Variants in PPARGC1A observed in about 807,000 individuals in gnomAD.
PPARGC1A encodes peroxisome proliferator-activated receptor gamma coactivator 1-alpha.
PPARGC1A carries 25 observed loss-of-function variants against 88.7 expected under a neutral mutation model. The observed-to-expected ratio is 0.28, with a 90% CI of 0.21 to 0.39. The LOEUF (loss-of-function observed/expected upper bound fraction) is 0.39. Among genes scored for constraint, PPARGC1A ranks in the 10% least tolerant of loss-of-function variants. PPARGC1A has a pLI of 1.00. For synonymous variants in PPARGC1A, 363 were observed against 355.6 expected, an observed-to-expected ratio of 1.02 and a Z score of -0.24; for missense variants, 880 against 968.7, an observed-to-expected ratio of 0.91 and a Z score of 1.22.
the PPARGC1A span, among the ~76,000 whole-genome samples, chr4:24,451,641 C>G: frequency 6.6e-6 from 1 of 152,122 alleles, no homozygotes. Context: ...GCACTGGCAC[C>G]ATCTCGGCTT....
the PPARGC1A span, among the ~76,000 whole-genome samples, chr4:24,216,261 C>T: frequency 6.6e-6 from 1 of 151,242 alleles, no homozygotes; most frequent in African/African-American, 2.4e-5. Context: ...GATCCTAGTG[C>T]CTCAGCCTCC....
chr4:23,879,840 G>T (rs1383882298), intron 2 of PPARGC1A: 1 of 152,022 alleles, frequency 6.6e-6, no homozygotes, highest in African/African-American at 2.4e-5. Context: ...ATTTCCAACT[G>T]GGTTCTCATG....
chr4:24,183,547 C>T, the PPARGC1A span, among the ~76,000 whole-genome samples: 2 of 152,210 alleles, frequency 1.3e-5, no homozygotes, highest in Non-Finnish European at 2.9e-5. Flanking sequence ...GGTCATTAGA[C>T]ACCCGGTGTG....
chr4:24,150,739 G>T, the PPARGC1A span, among the ~76,000 whole-genome samples: 2 of 152,088 alleles, frequency 1.3e-5, no homozygotes, highest in Non-Finnish European at 2.9e-5. Flanking sequence ...CTGGTGCCAG[G>T]AAAGGTGCAC....
chr4:24,458,964 T>C, the PPARGC1A span, among the ~76,000 whole-genome samples: 32 of 152,298 alleles, frequency 2.1e-4, no homozygotes, highest in African/African-American at 7.2e-4. Flanking sequence ...TGTGATTATC[T>C]CTAGGTATTT....
intron 10 of PPARGC1A, among the ~76,000 whole-genome samples, chr4:23,809,967 T>C (rs1002093803): frequency 1.3e-5 from 2 of 152,194 alleles, no homozygotes; most frequent in African/African-American, 4.8e-5. Flanking sequence ...CTTATCACAC[T>C]GTATTGCCTG....
chr4:24,131,690 TTAAAATA>T, the PPARGC1A span, among the ~76,000 whole-genome samples: 1 of 152,184 alleles, frequency 6.6e-6, no homozygotes, highest in Admixed American at 6.5e-5. Context: ...ACATGACAGT[TTAAAATA>T]TAAACAAAAA....
At chr4:24,465,625 G>T in the PPARGC1A span, among the ~76,000 whole-genome samples, 2 of 152,132 alleles carry the variant, frequency 1.3e-5, no homozygotes, top group Non-Finnish European at 2.9e-5. Context: ...TTCCGCTAGG[G>T]CTACAGGAAC....
the PPARGC1A span, among the ~76,000 whole-genome samples, chr4:24,290,794 C>A: frequency 2.0e-5 from 3 of 152,066 alleles, no homozygotes; most frequent in African/African-American, 4.8e-5. Context: ...CTGTATACAG[C>A]CCCTCACTTC....
the PPARGC1A span, among the ~76,000 whole-genome samples, chr4:24,150,997 C>T: frequency 6.6e-6 from 1 of 152,158 alleles, no homozygotes; most frequent in Non-Finnish European, 1.5e-5. Flanking sequence ...GTGTGATTCC[C>T]CAGTTCTGGG....
intron 2 of PPARGC1A, among the ~76,000 whole-genome samples, chr4:23,865,037 T>G (rs1337070600): frequency 6.6e-6 from 1 of 151,994 alleles, no homozygotes; most frequent in Non-Finnish European, 1.5e-5. Flanking sequence ...CACAAAAAAT[T>G]TGCTGGGCAT....
At chr4:24,331,339 C>G in the PPARGC1A span, among the ~76,000 whole-genome samples, 1 of 152,128 alleles carries the variant, frequency 6.6e-6, no homozygotes, top group Non-Finnish European at 1.5e-5. Flanking sequence ...CAGAAAATAT[C>G]TCCCCTCCAC....
upstream of PPARGC1A, among the ~76,000 whole-genome samples, chr4:23,902,789 A>G (rs1180913061): frequency 3.9e-5 from 6 of 152,206 alleles, no homozygotes; most frequent in South Asian, 2.1e-4. Flanking sequence ...CCAAGGGAGA[A>G]AAGCCTGTTG....
the PPARGC1A span, among the ~76,000 whole-genome samples, chr4:24,128,531 A>AGTGTGTGTGTGTGTGTGTGT: frequency 5.1e-5 from 7 of 138,276 alleles, no homozygotes; most frequent in South Asian, 2.6e-4. Context: ...AGCCTGTCAC[A>AGTGTGTGTGTGTGTGTGTGT]GTGTGTGTGT....
chr4:23,906,144 A>G (rs953156223), upstream of PPARGC1A, among the ~76,000 whole-genome samples: 2 of 152,186 alleles, frequency 1.3e-5, no homozygotes, highest in African/African-American at 4.8e-5. Flanking sequence ...CAACCCCTAC[A>G]GTTAACTTGG....
chr4:24,150,449 C>G, the PPARGC1A span, among the ~76,000 whole-genome samples: 1 of 152,120 alleles, frequency 6.6e-6, no homozygotes, highest in Admixed American at 6.6e-5. Flanking sequence ...GATTAAACAA[C>G]GTTCAGAAAA....
At chr4:23,811,658 C>A (rs1348725650) in intron 10 of PPARGC1A, among the ~76,000 whole-genome samples, 14 of 152,068 alleles carry the variant, frequency 9.2e-5, no homozygotes, top group Admixed American at 8.5e-4. Context: ...GTAAAGCCTA[C>A]CCACTAGTCA....
the PPARGC1A span, among the ~76,000 whole-genome samples, chr4:24,097,076 A>G: frequency 6.6e-6 from 1 of 152,206 alleles, no homozygotes; most frequent in East Asian, 1.9e-4. Context: ...CCTGGGCGAC[A>G]GAGTGAGACC....
chr4:24,237,594 T>G, the PPARGC1A span, among the ~76,000 whole-genome samples: 1 of 152,214 alleles, frequency 6.6e-6, no homozygotes, highest in Non-Finnish European at 1.5e-5. Flanking sequence ...ACTTGTCATA[T>G]GACACCCAGT....
Sources: gnomAD v4.1 joint callset for allele counts (sites outside exome capture counted in the v4.1 genomes callset) on GRCh38, gnomAD v4.1.1 for gene constraint, MANE v1.5 for transcripts, NCBI Gene and HGNC (gene_info 2026-07-23, HGNC 2026-07-21) for gene names.